The following SRD5A2 variants were observed in gnomAD, a reference collection of about 807,000 sequenced individuals.
The protein encoded by SRD5A2 is steroid 5 alpha-reductase 2.
SRD5A2 carries 30 observed loss-of-function variants against 27.4 expected under a neutral mutation model. The observed-to-expected ratio is 1.10, with a 90% confidence interval of 0.82 to 1.49. The LOEUF (loss-of-function observed/expected upper bound fraction) is 1.49, where lower values mean the gene tolerates loss of function less well. Ranked by LOEUF, SRD5A2 falls within the 40% of genes most tolerant of loss-of-function variation. The probability of loss-of-function intolerance (pLI) is 0.00; values close to 1 mark genes in which losing one functional copy is unlikely to be tolerated. For synonymous variants in SRD5A2, 141 were observed against 133.6 expected (o/e 1.06, Z -0.38); for missense variants, 348 against 323.4 (o/e 1.08, Z -0.58).
At position 31,552,519 on chromosome 2, in the gene SRD5A2, G is replaced by A. The variant is rs969827784; in HGVS notation, c.282-18753C>T. On this transcript the variant is annotated intron_variant, in intron 1 of 4. Coordinates refer to ENST00000622030, the MANE Select transcript of SRD5A2 (RefSeq NM_000348.4). ...AAAGGGCGTAAACAGATTGTTACAG[G>A]ATAGCAGAGCTCTGTGAGATTGGGA... Among the ~76,000 whole-genome samples, 18 of 152,122 alleles carry A rather than the reference G, an allele frequency of 1.2e-4. 1 individual carries two copies. The highest frequency in any genetic ancestry group is 2.2e-4 in the Non-Finnish European group (15 of 68,022).
At chr2:31,629,415 T>A in the SRD5A2 span, among the ~76,000 whole-genome samples, 2 of 152,086 alleles carry the variant, frequency 1.3e-5, no homozygotes, top group African/African-American at 4.8e-5. Flanking sequence ...AAGCAGTGAG[T>A]AATATTGGAC....
chr2:31,630,034 C>A, the SRD5A2 span, among the ~76,000 whole-genome samples: 1 of 152,140 alleles, frequency 6.6e-6, no homozygotes, highest in Non-Finnish European at 1.5e-5. Flanking sequence ...TCAATATGGG[C>A]AGTTATGTGG....
the SRD5A2 span, among the ~76,000 whole-genome samples, chr2:31,587,987 C>G: frequency 6.6e-6 from 1 of 152,140 alleles, no homozygotes; most frequent in East Asian, 1.9e-4. Context: ...AAGAATGCAT[C>G]AGAATCTTTT....
the SRD5A2 span, among the ~76,000 whole-genome samples, chr2:31,586,988 T>C: frequency 1.3e-4 from 20 of 152,156 alleles, no homozygotes; most frequent in Admixed American, 7.9e-4. Context: ...AGATAACACA[T>C]AGGAGAAATT....
chr2:31,605,089 G>T, the SRD5A2 span, among the ~76,000 whole-genome samples: 1 of 151,810 alleles, frequency 6.6e-6, no homozygotes, highest in Non-Finnish European at 1.5e-5. Flanking sequence ...TGGGAAAACT[G>T]AATATCAATA....
the SRD5A2 span, among the ~76,000 whole-genome samples, chr2:31,609,100 C>T: frequency 3.3e-5 from 5 of 152,024 alleles, no homozygotes; most frequent in Admixed American, 2.6e-4. Context: ...GACATTGAGT[C>T]CACTGACACC....
chr2:31,627,263 T>A, the SRD5A2 span, among the ~76,000 whole-genome samples: 1 of 152,128 alleles, frequency 6.6e-6, no homozygotes, highest in Non-Finnish European at 1.5e-5. Context: ...GTGCTGTTTA[T>A]AATAGAGTCT....
intron 4 of SRD5A2, 69 bp from the exon 5 acceptor site, chr2:31,526,331 C>G (rs1447310304): frequency 9.6e-7 from 1 of 1,037,554 alleles, no homozygotes; most frequent in Non-Finnish European, 1.5e-6. Flanking sequence ...TTTGCTCTTA[C>G]CAAATCTTTG....
chr2:31,614,740 G>A, the SRD5A2 span, among the ~76,000 whole-genome samples: 213 of 152,214 alleles, frequency 1.4e-3, no homozygotes, highest in African/African-American at 4.8e-3. Flanking sequence ...AAATCTAGGC[G>A]GAAGTTCCAA....
intron 1 of SRD5A2, among the ~76,000 whole-genome samples, chr2:31,565,425 A>T (rs891759088): frequency 1.3e-5 from 2 of 151,880 alleles, no homozygotes; most frequent in African/African-American, 4.8e-5. Context: ...GGGGAAAGAA[A>T]AATTGAACAG....
chr2:31,588,349 A>C, the SRD5A2 span, among the ~76,000 whole-genome samples: 1 of 152,194 alleles, frequency 6.6e-6, no homozygotes, highest in Non-Finnish European at 1.5e-5. Flanking sequence ...ATCAAGGATA[A>C]AGAAAGAATC....
At chr2:31,559,949 CTGT>C (rs1341049735) in intron 1 of SRD5A2, among the ~76,000 whole-genome samples, 1 of 151,364 alleles carries the variant, frequency 6.6e-6, no homozygotes, top group Non-Finnish European at 1.5e-5. Context: ...CCTCCAGGAA[CTGT>C]TAAGATTTAA....
At chr2:31,639,547 T>G in the SRD5A2 span, among the ~76,000 whole-genome samples, 1 of 152,128 alleles carries the variant, frequency 6.6e-6, no homozygotes, top group Admixed American at 6.5e-5. Context: ...CTGAATTTTC[T>G]CAGCTTCTGT....
At chr2:31,646,393 C>T in the SRD5A2 span, among the ~76,000 whole-genome samples, 1 of 152,156 alleles carries the variant, frequency 6.6e-6, no homozygotes, top group Non-Finnish European at 1.5e-5. Context: ...ATGGTTCCCA[C>T]TCCCAACTCC....
chr2:31,623,019 T>G, the SRD5A2 span, among the ~76,000 whole-genome samples: 5 of 152,130 alleles, frequency 3.3e-5, no homozygotes, highest in African/African-American at 1.2e-4. Flanking sequence ...CTCATGTAGT[T>G]GTAAGAGGAT....
chr2:31,568,957 G>A (rs756088717), intron 1 of SRD5A2, among the ~76,000 whole-genome samples: 2 of 152,266 alleles, frequency 1.3e-5, no homozygotes, highest in African/African-American at 2.4e-5. Context: ...GGTGCCTAGA[G>A]TGGGAAGAGG....
chr2:31,616,406 C>T, the SRD5A2 span, among the ~76,000 whole-genome samples: 1 of 152,206 alleles, frequency 6.6e-6, no homozygotes, highest in African/African-American at 2.4e-5. Flanking sequence ...CCCATGAAAG[C>T]AGCCAGGAGG....
At chr2:31,608,801 C>T in the SRD5A2 span, among the ~76,000 whole-genome samples, 1 of 151,944 alleles carries the variant, frequency 6.6e-6, no homozygotes, top group African/African-American at 2.4e-5. Context: ...TATCCCATGT[C>T]CACGGTTTGG....
intron 1 of SRD5A2, among the ~76,000 whole-genome samples, chr2:31,536,035 C>A (rs893555020): frequency 1.3e-5 from 2 of 152,128 alleles, no homozygotes; most frequent in Non-Finnish European, 2.9e-5. Context: ...TTATGAGAAT[C>A]ATTGGATTCC....
Sources: gnomAD v4.1 joint callset for allele counts (sites outside exome capture counted in the v4.1 genomes callset) on GRCh38, gnomAD v4.1.1 for gene constraint, MANE v1.5 for transcripts, NCBI Gene and HGNC (gene_info 2026-07-23, HGNC 2026-07-21) for gene names.